NRL: variants seen among roughly 807,000 people sequenced by gnomAD.
NRL encodes neural retina-specific leucine zipper protein.
In NRL, 16 loss-of-function variants were observed where a neutral mutation model predicts 12.5. The ratio of observed to expected loss-of-function variants is 1.28; its 90% confidence interval spans 0.87 to 1.95. The LOEUF (loss-of-function observed/expected upper bound fraction) is 1.95, where lower values mean the gene tolerates loss of function less well. Ranked by LOEUF, NRL falls within the 30% of genes most tolerant of loss-of-function variation. NRL has a pLI of 0.00. For synonymous variants in NRL, 142 were observed against 150.9 expected (o/e 0.94, Z 0.43); for missense variants, 314 against 325.8 (o/e 0.96, Z 0.28).
Position 24,094,152 on chromosome 14 carries a change from A to C in NRL, c.-27-11277T>G. The C allele has an allele frequency of 3.7e-6, 2 of 544,364 alleles. No individual in the cohort carries two copies. The highest frequency in any genetic ancestry group is 2.2e-5 in the South Asian group (1 of 44,460). 33.7% of individuals were successfully genotyped at this position (544,364 alleles called of 1,614,324 possible). ...GAGATGGGTTTGGCGGTTTGGAGGCAGGGGTTGGGGCGGCGGCTGGGCTGA... is the reference window on the plus strand; with the variant it reads ...GAGATGGGTTTGGCGGTTTGGAGGCCGGGGTTGGGGCGGCGGCTGGGCTGA... On this transcript the variant is annotated intron_variant, in intron 1 of 2. Coordinates refer to ENST00000561028, the MANE Select transcript of NRL (RefSeq NM_001354768.3). This position sits in a 1 kb window ranked among gnomAD's most constrained non-coding sequence, Gnocchi z 4.1.
At chr14:24,106,596 C>T (rs2037342196) in intron 1 of NRL, among the ~76,000 whole-genome samples, 1 of 152,046 alleles carries the variant, frequency 6.6e-6, no homozygotes, top group African/African-American at 2.4e-5. Context: ...TGGCCCATGC[C>T]TGTAATTCCA....
chr14:24,102,870 T>C, intron 1 of NRL: 1 of 1,613,926 alleles, frequency 6.2e-7, no homozygotes, highest in Non-Finnish European at 8.5e-7. Flanking sequence ...GCCATCATCT[T>C]TGGTGGCCGC....
chr14:24,097,184 C>T (rs762973456), intron 1 of NRL: 1 of 1,590,338 alleles, frequency 6.3e-7, no homozygotes, highest in South Asian at 1.1e-5. Context: ...ACTGAGGCCA[C>T]TTTGGGTTCA....
In NRL at chr14:24,103,482, T is replaced by C. The variant is rs762460404; in HGVS notation, c.-28+11240A>G. On this transcript the variant is annotated intron_variant, in intron 1 of 2. Coordinates refer to ENST00000561028, the MANE Select transcript of NRL (RefSeq NM_001354768.3). ...TTCCCTACCCCAGTGAGAAGGAAGA[T>C]TCCTTACCCATCTTGCTTCCCCCCC... 5 of 1,528,582 alleles carry C rather than the reference T, an allele frequency of 3.3e-6. No individual in the cohort carries two copies. In the South Asian group the frequency reaches 5.2e-5, roughly 16 times the overall value. 94.7% of individuals were successfully genotyped at this position (1,528,582 alleles called of 1,614,324 possible). A position where few individuals can be genotyped will look rare whatever the true frequency, so the allele number is the denominator to read the frequency against.
intron 1 of NRL, 30 bp downstream of exon 1, chr14:24,114,692 C>G (rs1203832020): frequency 3.0e-6 from 3 of 985,892 alleles, no homozygotes; most frequent in East Asian, 1.1e-4. Flanking sequence ...TTCTCCTCCC[C>G]TCAGGCACCT....
intron 1 of NRL, among the ~76,000 whole-genome samples, chr14:24,109,630 G>A (rs112456051): frequency 0.025 from 3,820 of 151,504 alleles, 132 homozygotes; most frequent in African/African-American, 0.083. Context: ...CCCGGGAGGC[G>A]GAGCTTGCAG....
Position 24,082,524 on chromosome 14 carries a change from C to G in NRL, c.325G>C (p.Gly109Arg). 1.2e-6 allele frequency: 2 copies of G among 1,613,394 alleles called. No individual in the cohort carries two copies. The highest frequency in any genetic ancestry group is 1.7e-6 in the Non-Finnish European group (2 of 1,180,030). The change falls in exon 2 of 3, where the codon GGG becomes CGG. Residue 109 changes from glycine to arginine, a missense_variant. Physicochemically the swap from Gly to Arg is moderately radical, Grantham distance 125 (BLOSUM62 -2). Coordinates refer to ENST00000561028, the MANE Select transcript of NRL (RefSeq NM_001354768.3). ...CTCCCTGGGTAGTAGCCATGGGGCC[C>G]ATCAACAGGGACTGGGCCCTGACCC... Reference protein sequence around the residue: ...LQGQGPVPVDGPHGYYPGSPE... With the variant: ...LQGQGPVPVDRPHGYYPGSPE...
At chr14:24,110,866 A>G (rs1335445407) in intron 1 of NRL, among the ~76,000 whole-genome samples, 1 of 152,268 alleles carries the variant, frequency 6.6e-6, no homozygotes, top group African/African-American at 2.4e-5. Flanking sequence ...AGAGGTAAAA[A>G]TAAACAAGCT....
intron 1 of NRL, among the ~76,000 whole-genome samples, chr14:24,101,971 A>G (rs2037178653): frequency 1.3e-5 from 2 of 152,154 alleles, no homozygotes; most frequent in Non-Finnish European, 2.9e-5. Context: ...CATGCCTGTA[A>G]TCCTACTACT....
chr14:24,096,395 C>A (rs1056049519), intron 1 of NRL, among the ~76,000 whole-genome samples: 1 of 151,990 alleles, frequency 6.6e-6, no homozygotes, highest in Non-Finnish European at 1.5e-5. Context: ...CACGCCACCA[C>A]ATCCGGCTAA....
chr14:24,103,608 G>GGGGCCCA, intron 1 of NRL: 2 of 1,613,152 alleles, frequency 1.2e-6, no homozygotes, highest in Non-Finnish European at 1.7e-6. Flanking sequence ...AGGGCGCAAG[G>GGGGCCCA]GGGCCCAGCT....
At chr14:24,097,170 G>A (rs2036924510) in intron 1 of NRL, 7 of 1,603,624 alleles carry the variant, frequency 4.4e-6, no homozygotes, top group Non-Finnish European at 5.1e-6. Context: ...TGCAGGATAG[G>A]TGCACTGAGG....
intron 1 of NRL, among the ~76,000 whole-genome samples, chr14:24,113,271 C>G (rs1481683988): frequency 2.9e-4 from 5 of 17,194 alleles, no homozygotes; most frequent in African/African-American, 9.5e-4. Flanking sequence ...GGAGATATAC[C>G]TAATGCTAGA....
rs1463348666 is a variant in NRL at position 24,085,559 on chromosome 14, C to T, written c.-27-2684G>A. Among the ~76,000 whole-genome samples, 6 of 152,112 alleles carry T rather than the reference C, an allele frequency of 3.9e-5. No individual in the cohort carries two copies. Among genetic ancestry groups the T allele is most frequent in the Admixed American group, 6.5e-5 (1 of 15,272 alleles). On this transcript the variant is annotated intron_variant, in intron 1 of 2. Transcript: ENST00000561028. The surrounding 1 kb of genome is among the most constrained non-coding windows in gnomAD (Gnocchi z 4.1). ...ATCCAAGGAGATGTTTAAACCTGTC[C>T]GAAGCTGTTTAAATAGGGTCTATGG...
At position 24,109,808 on chromosome 14, in the gene NRL, C is replaced by G. The variant is rs941604261; in HGVS notation, c.-28+4914G>C. The stretch of plus-strand genomic sequence containing the variant: ...TGAAGGACTCAATTTTGTCATAAAA[C>G]CTCAGTTATTTTAACATTTACCATG... On this transcript the variant is annotated intron_variant, in intron 1 of 2. Coordinates refer to ENST00000561028, the MANE Select transcript of NRL (RefSeq NM_001354768.3). Among the ~76,000 whole-genome samples, 10 of 152,062 alleles carry G rather than the reference C, an allele frequency of 6.6e-5. No homozygotes were observed. The East Asian group carries it at 1.7e-3, about 26-fold the overall frequency.
intron 1 of NRL, among the ~76,000 whole-genome samples, chr14:24,108,339 G>A (rs1046164653): frequency 2.0e-5 from 3 of 152,014 alleles, no homozygotes; most frequent in African/African-American, 7.3e-5. Context: ...TCAAAATCAG[G>A]GCTAAAGGGT....
intron 1 of NRL, among the ~76,000 whole-genome samples, chr14:24,097,908 T>C (rs1035629373): frequency 2.0e-5 from 3 of 152,098 alleles, no homozygotes; most frequent in Non-Finnish European, 4.4e-5. Context: ...TTGTAGTTTG[T>C]ATTTTATTTT....
At position 24,081,999 on chromosome 14, in the gene NRL, T is replaced by A; in HGVS notation, c.382-431A>T. 1 of 1,206,114 alleles carries A rather than the reference T, an allele frequency of 8.3e-7. No homozygotes were observed. The highest frequency in any genetic ancestry group is 1.7e-5 in the South Asian group (1 of 59,956). 74.7% of individuals were successfully genotyped at this position (1,206,114 alleles called of 1,614,324 possible). On this transcript the variant is annotated intron_variant, in intron 2 of 2. Transcript: ENST00000561028. The surrounding 1 kb of genome is among the most constrained non-coding windows in gnomAD (Gnocchi z 4.4). The stretch of plus-strand genomic sequence containing the variant: ...TCACAGGATTTGGATTACATCCTAA[T>A]GCCCGCAACACCCCCATCTGTGTCT...
chr14:24,105,808 T>G (rs1331997269), intron 1 of NRL, among the ~76,000 whole-genome samples: 1 of 152,126 alleles, frequency 6.6e-6, no homozygotes, highest in Non-Finnish European at 1.5e-5. Context: ...ATCCCAGCTA[T>G]TTAGGACAAT....
Sources: allele counts gnomAD v4.1 joint callset (sites outside exome capture counted in the v4.1 genomes callset), GRCh38; gene constraint gnomAD v4.1.1; non-coding constraint Gnocchi (gnomAD v3.1); transcripts MANE v1.5; gene names NCBI Gene and HGNC (gene_info 2026-07-23, HGNC 2026-07-21).